Variants in PTPRN2 observed in about 807,000 individuals in gnomAD.
PTPRN2 encodes the protein protein tyrosine phosphatase receptor type N2.
Under a neutral mutation model 118.8 loss-of-function variants are expected in PTPRN2, and 74 were observed. The ratio of observed to expected loss-of-function variants is 0.62; its 90% CI spans 0.52 to 0.76. The LOEUF (loss-of-function observed/expected upper bound fraction) is 0.76. Ranked by LOEUF, PTPRN2 falls within the 30% of genes least tolerant of loss-of-function variation. The pLI is 0.00. For missense variants in PTPRN2, 1,481 were observed against 1,394.4 expected, an observed-to-expected ratio of 1.06 and a Z score of -0.99; for synonymous variants, 641 against 608.0, an observed-to-expected ratio of 1.05 and a Z score of -0.80.
At chr7:157,862,971 G>C (rs937153790) in intron 12 of PTPRN2, 2 of 152,220 alleles carry the variant, frequency 1.3e-5, no homozygotes, top group African/African-American at 4.8e-5. Context: ...AAAGCCCAGA[G>C]CTCGGACGGC....
intron 3 of PTPRN2, among the ~76,000 whole-genome samples, chr7:158,275,654 A>C (rs529722371): frequency 6.6e-6 from 1 of 152,356 alleles, no homozygotes; most frequent in South Asian, 2.1e-4. Flanking sequence ...CGTAATCGCA[A>C]GTAATTTTTG....
chr7:158,303,322 A>G (rs992933918), intron 3 of PTPRN2, among the ~76,000 whole-genome samples: 25 of 152,210 alleles, frequency 1.6e-4, no homozygotes, highest in African/African-American at 6.0e-4. Context: ...GGACCCCAGG[A>G]ACACCCTGTA....
chr7:158,351,287 C>T (rs888195232), intron 2 of PTPRN2, among the ~76,000 whole-genome samples: 2 of 152,166 alleles, frequency 1.3e-5, no homozygotes, highest in Non-Finnish European at 2.9e-5. Context: ...TTGGCCACTG[C>T]ACACTATTCC....
At chr7:158,434,619 A>T (rs574049784) in intron 2 of PTPRN2, among the ~76,000 whole-genome samples, 70 of 152,270 alleles carry the variant, frequency 4.6e-4, no homozygotes, top group African/African-American at 1.7e-3. Context: ...TTTTGAGTGG[A>T]GTATTTATCT....
intron 3 of PTPRN2, among the ~76,000 whole-genome samples, chr7:158,282,994 C>A (rs1170493471): frequency 6.6e-6 from 1 of 151,562 alleles, no homozygotes; most frequent in Non-Finnish European, 1.5e-5. Context: ...CCTCCTCATG[C>A]TCCCACACGC....
chr7:158,507,930 G>A (rs527460388), intron 1 of PTPRN2, among the ~76,000 whole-genome samples: 5 of 148,340 alleles, frequency 3.4e-5, no homozygotes, highest in Admixed American at 2.0e-4. Context: ...ACAGCCCTGC[G>A]CTGGGCAGGA....
chr7:157,872,487 A>T (rs1399583816), intron 12 of PTPRN2, among the ~76,000 whole-genome samples: 2 of 151,356 alleles, frequency 1.3e-5, no homozygotes. Flanking sequence ...ACACACGCAT[A>T]TCCAGTGTCC....
intron 12 of PTPRN2, among the ~76,000 whole-genome samples, chr7:157,842,335 G>A (rs1808482214): frequency 6.6e-6 from 1 of 151,904 alleles, no homozygotes; most frequent in Non-Finnish European, 1.5e-5. Context: ...ATTTTCCCTG[G>A]GGGAAGGGAG....
intron 12 of PTPRN2, among the ~76,000 whole-genome samples, chr7:157,799,438 T>C (rs1446708508): frequency 1.3e-5 from 2 of 152,098 alleles, no homozygotes; most frequent in Non-Finnish European, 2.9e-5. Context: ...GGCCCCAGTG[T>C]AACTTGGCCA....
chr7:158,389,672 C>G (rs1811773219), intron 2 of PTPRN2, among the ~76,000 whole-genome samples: 1 of 152,272 alleles, frequency 6.6e-6, no homozygotes, highest in Admixed American at 6.5e-5. Flanking sequence ...AGCCACCAGC[C>G]TGGCTGCTGG....
At position 158,587,675 on chromosome 7, in the gene PTPRN2, C is replaced by G; in HGVS notation, c.-6G>C. ...AGCGGGAGCGGCGGCCCCATCCCCG[C>G]GGCCTGGCCGGCGGCGCTCAGTCCA... On this transcript the variant is annotated 5_prime_UTR_variant, in exon 1 of 23. Coordinates refer to ENST00000389418, the MANE Select transcript of PTPRN2 (RefSeq NM_002847.5). 1.5e-6 allele frequency: 2 copies of G among 1,319,506 alleles called. No individual in the cohort carries two copies. Among genetic ancestry groups the G allele is most frequent in the South Asian group, 1.9e-5 (1 of 53,146 alleles). 81.7% of individuals were successfully genotyped at this position (1,319,506 alleles called of 1,614,324 possible).
At chr7:157,910,307 T>C (rs1289947181) in intron 11 of PTPRN2, among the ~76,000 whole-genome samples, 1 of 146,440 alleles carries the variant, frequency 6.8e-6, no homozygotes, top group African/African-American at 2.6e-5. Flanking sequence ...ACGTACGCCG[T>C]GGGGACGGGT....
At chr7:157,768,965 ATAAT>A (rs1366556340) in intron 12 of PTPRN2, among the ~76,000 whole-genome samples, 1 of 152,216 alleles carries the variant, frequency 6.6e-6, no homozygotes, top group Non-Finnish European at 1.5e-5. Flanking sequence ...TTGTCAACAC[ATAAT>A]TACTGTCACC....
chr7:157,749,345 TGA>T (rs771911350), intron 12 of PTPRN2, among the ~76,000 whole-genome samples: 4 of 135,684 alleles, frequency 2.9e-5, no homozygotes, highest in Admixed American at 7.7e-5. Flanking sequence ...CCTGCGTCCC[TGA>T]GCTACAGGCT....
intron 13 of PTPRN2, among the ~76,000 whole-genome samples, chr7:157,664,148 T>C (rs961685995): frequency 1.3e-5 from 2 of 152,218 alleles, no homozygotes; most frequent in Non-Finnish European, 2.9e-5. Context: ...TCACTCTTCA[T>C]TGAAAAGTAG....
At chr7:158,459,750 C>G (rs982468214) in intron 2 of PTPRN2, among the ~76,000 whole-genome samples, 4 of 152,152 alleles carry the variant, frequency 2.6e-5, no homozygotes, top group African/African-American at 9.7e-5. Flanking sequence ...AGGAGCATGG[C>G]AACATCCACA....
At chr7:158,314,118 A>T (rs963090385) in intron 3 of PTPRN2, among the ~76,000 whole-genome samples, 2 of 152,192 alleles carry the variant, frequency 1.3e-5, no homozygotes, top group Non-Finnish European at 2.9e-5. Context: ...AAACGTGATG[A>T]TGTTCAGTGC....
rs1563272913 is a variant in PTPRN2 at position 157,621,356 on chromosome 7, A to G, written c.2344+6T>C. On this transcript the variant is annotated splice_donor_region_variant and intron_variant, in intron 15 of 22. Coordinates refer to ENST00000389418, the MANE Select transcript of PTPRN2 (RefSeq NM_002847.5). ...CAGGCTTCCTGCCCCCGGGGCTGGTACGTACAGGTCAGCACGGCCAGGGAG... is the reference window on the plus strand; with the variant it reads ...CAGGCTTCCTGCCCCCGGGGCTGGTGCGTACAGGTCAGCACGGCCAGGGAG... The G allele has an allele frequency of 1.2e-6, 2 of 1,608,978 alleles. No individual in the cohort carries two copies. The highest frequency in any genetic ancestry group is 3.3e-5 in the Admixed American group (2 of 59,888).
At position 158,095,212 on chromosome 7, in the gene PTPRN2, T is replaced by A. The variant is rs1280769155; in HGVS notation, c.1644-13835A>T. On this transcript the variant is annotated intron_variant, in intron 10 of 22. Coordinates refer to ENST00000389418, the MANE Select transcript of PTPRN2 (RefSeq NM_002847.5). ...GACTGGAGAGACACATTCGGAAGAGTGAAGTGATTTTTATTTGGTCCTGGT... is the reference window on the plus strand; with the variant it reads ...GACTGGAGAGACACATTCGGAAGAGAGAAGTGATTTTTATTTGGTCCTGGT... Among the ~76,000 whole-genome samples, 3 of 150,680 alleles carry A rather than the reference T, an allele frequency of 2.0e-5. No individual in the cohort carries two copies. In the East Asian group the frequency reaches 5.9e-4, roughly 30 times the overall value.
Sources: allele counts gnomAD v4.1 joint callset (sites outside exome capture counted in the v4.1 genomes callset), GRCh38; gene constraint gnomAD v4.1.1; transcripts MANE v1.5; gene names NCBI Gene and HGNC (gene_info 2026-07-23, HGNC 2026-07-21).